Variants in GPC5 observed in about 807,000 individuals in gnomAD.
The protein encoded by GPC5 is glypican 5.
GPC5 carries 47 observed loss-of-function variants against 53.9 expected under a neutral mutation model. That is an observed-to-expected ratio of 0.87 (90% CI 0.69 to 1.11). The LOEUF (loss-of-function observed/expected upper bound fraction) is 1.11. GPC5 is among the 50% of genes most tolerant of loss of function. GPC5 has a pLI of 0.00. For synonymous variants in GPC5, 286 were observed against 263.3 expected (o/e 1.09, Z -0.84); for missense variants, 748 against 713.1 (o/e 1.05, Z -0.56).
intron 2 of GPC5, among the ~76,000 whole-genome samples, chr13:91,453,394 GAC>G (rs1235473857): frequency 6.6e-6 from 1 of 151,836 alleles, no homozygotes; most frequent in Non-Finnish European, 1.5e-5. Flanking sequence ...TATAGCAAAA[GAC>G]ACAGGATATA....
chr13:91,398,804 G>C lies in GPC5; in HGVS notation c.-243G>C. 3 of 441,414 alleles carry C rather than the reference G, an allele frequency of 6.8e-6. No individual in the cohort carries two copies. Among genetic ancestry groups the C allele is most frequent in the Non-Finnish European group, 1.2e-5 (3 of 251,666 alleles). The allele number at this position is 441,414 out of a possible 1,614,324, so 27.3% of individuals were successfully genotyped here. A position where few individuals can be genotyped will look rare whatever the true frequency, so the allele number is the denominator to read the frequency against. On this transcript the variant is annotated 5_prime_UTR_variant, in exon 1 of 8. Coordinates refer to ENST00000377067, the MANE Select transcript of GPC5 (RefSeq NM_004466.6). ...CCCCGCCCAGCCGCCCACTCTTCTCGGCTAGGGAAGAAGACCAGAGGGTGC... is the reference window on the plus strand; with the variant it reads ...CCCCGCCCAGCCGCCCACTCTTCTCCGCTAGGGAAGAAGACCAGAGGGTGC...
At chr13:92,416,271 T>G (rs1876285860) in intron 7 of GPC5, among the ~76,000 whole-genome samples, 1 of 152,162 alleles carries the variant, frequency 6.6e-6, no homozygotes, top group Non-Finnish European at 1.5e-5. Flanking sequence ...AGATGATATA[T>G]GGTCACCCGA....
At chr13:91,866,986 C>T (rs1374368193) in intron 5 of GPC5, among the ~76,000 whole-genome samples, 10 of 152,098 alleles carry the variant, frequency 6.6e-5, no homozygotes, top group African/African-American at 1.7e-4. Context: ...GAGGCCAAGG[C>T]GGGCAGATCA....
chr13:92,175,299 A>G (rs1375603166), intron 7 of GPC5, among the ~76,000 whole-genome samples: 1 of 152,192 alleles, frequency 6.6e-6, no homozygotes, highest in Non-Finnish European at 1.5e-5. Context: ...AGCTATAGTT[A>G]TGTTTACATC....
chr13:92,396,993 C>T (rs1185471916), intron 7 of GPC5, among the ~76,000 whole-genome samples: 1 of 152,174 alleles, frequency 6.6e-6, no homozygotes, highest in Non-Finnish European at 1.5e-5. Context: ...TACTGTTTCC[C>T]TCCATGTGCT....
At chr13:91,951,911 T>C (rs1309511808) in intron 6 of GPC5, among the ~76,000 whole-genome samples, 1 of 152,076 alleles carries the variant, frequency 6.6e-6, no homozygotes, top group African/African-American at 2.4e-5. Context: ...AACAAGAAAG[T>C]TTTCCACATA....
rs1445138898 is a variant in GPC5, at chr13:91,466,261, C to T, written c.325+17339C>T. ...GAATAGGAGGTGATGTGGGTCTCTA[C>T]AGCTTCCCTGCTGCCACCCAGGAGT... On this transcript the variant is annotated intron_variant, in intron 2 of 7. Coordinates refer to ENST00000377067, the MANE Select transcript of GPC5 (RefSeq NM_004466.6). 2.0e-5 allele frequency among the ~76,000 whole-genome samples: 3 copies of T among 152,168 alleles called. No individual in the cohort carries two copies. In the East Asian group the frequency reaches 5.8e-4, roughly 29 times the overall value.
chr13:91,880,514 T>C (rs1042493320), intron 5 of GPC5, among the ~76,000 whole-genome samples: 5 of 152,202 alleles, frequency 3.3e-5, no homozygotes, highest in African/African-American at 1.2e-4. Flanking sequence ...AGTTAAATTC[T>C]TAACTATTTT....
At chr13:92,780,318 G>T (rs570013765) in intron 7 of GPC5, among the ~76,000 whole-genome samples, 161 of 150,108 alleles carry the variant, frequency 1.1e-3, no homozygotes, top group African/African-American at 3.8e-3. Context: ...ATAATTAAGT[G>T]TAATTTATAT....
rs2034940819 is a variant in GPC5, at chr13:91,659,798, A to G, written c.326-33389A>G. ...CTCCTGGTATTCACACCTCTGTGTA[A>G]CACCCTCCACTTGAGTGTAGGCTGG... On this transcript the variant is annotated intron_variant, in intron 2 of 7. Transcript: ENST00000377067. Among the ~76,000 whole-genome samples the G allele has an allele frequency of 1.3e-5, 2 of 152,116 alleles. 1 individual carries two copies. The highest frequency in any genetic ancestry group is 2.9e-5 in the Non-Finnish European group (2 of 68,018).
At chr13:91,632,797 C>T (rs529807887) in intron 2 of GPC5, among the ~76,000 whole-genome samples, 18 of 152,292 alleles carry the variant, frequency 1.2e-4, no homozygotes, top group African/African-American at 4.1e-4. Flanking sequence ...GATCCTGACA[C>T]AGGGCTATGT....
intron 1 of GPC5, among the ~76,000 whole-genome samples, chr13:91,446,192 C>CCAGAATA (rs1283151779): frequency 6.6e-6 from 1 of 152,210 alleles, no homozygotes; most frequent in East Asian, 1.9e-4. Flanking sequence ...CACCATATTT[C>CCAGAATA]CAGAATACCT....
At chr13:92,282,292 G>A (rs1212124580) in intron 7 of GPC5, among the ~76,000 whole-genome samples, 2 of 152,178 alleles carry the variant, frequency 1.3e-5, no homozygotes. Flanking sequence ...GAAAGTGACG[G>A]GGAGAATGGA....
intron 7 of GPC5, among the ~76,000 whole-genome samples, chr13:92,607,616 GTTAT>G (rs1260908448): frequency 2.0e-5 from 3 of 151,964 alleles, no homozygotes; most frequent in Non-Finnish European, 4.4e-5. Flanking sequence ...ATTGTGTGTA[GTTAT>G]TTAAATTCAT....
chr13:92,497,126 A>G (rs1594251198), intron 7 of GPC5, among the ~76,000 whole-genome samples: 1 of 151,718 alleles, frequency 6.6e-6, no homozygotes, highest in Admixed American at 6.6e-5. Context: ...CCATTTGTCA[A>G]TTTTCGCTTT....
chr13:91,453,624 C>T (rs944349210), intron 2 of GPC5, among the ~76,000 whole-genome samples: 1 of 152,094 alleles, frequency 6.6e-6, no homozygotes, highest in Non-Finnish European at 1.5e-5. Context: ...GCAGCCTAGG[C>T]TGGTAGTGTT....
At chr13:92,423,067 G>A (rs1043529985) in intron 7 of GPC5, among the ~76,000 whole-genome samples, 2 of 151,266 alleles carry the variant, frequency 1.3e-5, no homozygotes, top group Non-Finnish European at 1.5e-5. Flanking sequence ...GTGAGGTCCC[G>A]CTTCCTGGTT....
chr13:91,509,967 A>G (rs903657292), intron 2 of GPC5, among the ~76,000 whole-genome samples: 1 of 152,178 alleles, frequency 6.6e-6, no homozygotes, highest in Non-Finnish European at 1.5e-5. Flanking sequence ...TCACTTGTAT[A>G]TCACCATTTC....
intron 5 of GPC5, among the ~76,000 whole-genome samples, chr13:91,819,738 C>G (rs1032919592): frequency 1.3e-5 from 2 of 151,994 alleles, no homozygotes; most frequent in Non-Finnish European, 2.9e-5. Context: ...TTGCACGTGC[C>G]TATGTTTCTC....
Sources: allele counts gnomAD v4.1 joint callset (sites outside exome capture counted in the v4.1 genomes callset), GRCh38; gene constraint gnomAD v4.1.1; transcripts MANE v1.5; gene names NCBI Gene and HGNC (gene_info 2026-07-23, HGNC 2026-07-21).